Variants in DLG2 observed in about 807,000 individuals in gnomAD.
DLG2 encodes disks large homolog 2.
A neutral mutation model predicts 132.5 loss-of-function variants in DLG2; 45 were observed. The observed-to-expected ratio is 0.34, with a 90% CI of 0.27 to 0.44. The LOEUF (loss-of-function observed/expected upper bound fraction) is 0.44. DLG2 is among the 20% of genes least tolerant of loss of function. The pLI is 1.00. For synonymous variants in DLG2, 424 were observed against 419.6 expected (o/e 1.01, Z -0.13); for missense variants, 1,045 against 1,196.9 (o/e 0.87, Z 1.87).
At chr11:84,080,933 A>C (rs879588204) in intron 10 of DLG2, among the ~76,000 whole-genome samples, 26 of 151,674 alleles carry the variant, frequency 1.7e-4, no homozygotes, top group Non-Finnish European at 3.7e-4. Context: ...CAGAGGTTGC[A>C]GTGAGCCGAG....
intron 18 of DLG2, among the ~76,000 whole-genome samples, chr11:83,758,095 T>C: frequency 6.6e-6 from 1 of 152,218 alleles, no homozygotes; most frequent in East Asian, 1.9e-4. Context: ...TAAATGTCTT[T>C]TCTTTTCTTG....
At chr11:85,118,375 C>A (rs2073920327) in intron 5 of DLG2, among the ~76,000 whole-genome samples, 2 of 152,006 alleles carry the variant, frequency 1.3e-5, no homozygotes, top group African/African-American at 4.8e-5. Flanking sequence ...CAGACATTTG[C>A]CCAGGTTAAC....
At chr11:84,317,708 A>G (rs1205938787) in intron 7 of DLG2, among the ~76,000 whole-genome samples, 1 of 152,196 alleles carries the variant, frequency 6.6e-6, no homozygotes, top group Non-Finnish European at 1.5e-5. Flanking sequence ...CAACATTTAT[A>G]AGAATCACTT....
chr11:83,689,899 T>C (rs1490613389), intron 18 of DLG2, among the ~76,000 whole-genome samples: 4 of 145,622 alleles, frequency 2.7e-5, no homozygotes, highest in Non-Finnish European at 6.0e-5. Flanking sequence ...TTTACATAAA[T>C]ATATTTATGT....
chr11:84,403,566 T>A (rs1159911597), intron 7 of DLG2, among the ~76,000 whole-genome samples: 1 of 152,184 alleles, frequency 6.6e-6, no homozygotes, highest in Non-Finnish European at 1.5e-5. Context: ...TGTTATATGT[T>A]CCTTCCTGAT....
intron 18 of DLG2, among the ~76,000 whole-genome samples, chr11:83,657,704 A>G (rs1265763953): frequency 2.6e-5 from 4 of 151,842 alleles, no homozygotes; most frequent in Admixed American, 2.6e-4. Context: ...ATGCCTGGCT[A>G]ATTTTTTTTG....
At chr11:85,583,401 G>T (rs2078751755) in intron 3 of DLG2, among the ~76,000 whole-genome samples, 1 of 150,194 alleles carries the variant, frequency 6.7e-6, no homozygotes, top group African/African-American at 2.5e-5. Context: ...TACCCAGGTT[G>T]GTCTTAAACT....
At chr11:85,497,389 A>G (rs2093691688) in intron 3 of DLG2, among the ~76,000 whole-genome samples, 1 of 152,084 alleles carries the variant, frequency 6.6e-6, no homozygotes, top group South Asian at 2.1e-4. Flanking sequence ...AAAGGAGTGA[A>G]AAGAAAAGAA....
At chr11:84,163,941 A>G (rs1417160760) in intron 8 of DLG2, among the ~76,000 whole-genome samples, 1 of 152,186 alleles carries the variant, frequency 6.6e-6, no homozygotes, top group Non-Finnish European at 1.5e-5. Flanking sequence ...TCCATTTTTG[A>G]ATAGAAAAAT....
chr11:84,216,818 G>A (rs533348941), intron 8 of DLG2, among the ~76,000 whole-genome samples: 1 of 152,042 alleles, frequency 6.6e-6, no homozygotes, highest in Non-Finnish European at 1.5e-5. Flanking sequence ...AAATATGGTA[G>A]GAATTTCCTG....
chr11:83,558,241 C>T lies in DLG2; in HGVS notation c.1941-16383G>A, dbSNP rs183740884. 3.4e-3 allele frequency among the ~76,000 whole-genome samples: 519 copies of T among 152,294 alleles called. 1 individual carries two copies. The highest frequency in any genetic ancestry group is 5.5e-3 in the Non-Finnish European group (372 of 68,018). On this transcript the variant is annotated intron_variant, in intron 19 of 27. Transcript: ENST00000376104. ...CAACTTTTGCTTTCAGAATCTCATA[C>T]ATTTAATACATCTTCTTATTGGCTT...
At chr11:84,696,897 A>T (rs1362111891) in intron 6 of DLG2, among the ~76,000 whole-genome samples, 1 of 151,400 alleles carries the variant, frequency 6.6e-6, no homozygotes, top group Non-Finnish European at 1.5e-5. Flanking sequence ...TTATTATTAT[A>T]ATAATTTTAC....
chr11:84,168,060 A>C (rs1596496178), intron 8 of DLG2, among the ~76,000 whole-genome samples: 2 of 152,366 alleles, frequency 1.3e-5, no homozygotes, highest in East Asian at 3.9e-4. Flanking sequence ...ACTAAACACA[A>C]TTCTACCCAA....
At chr11:84,610,294 T>C (rs1376277121) in intron 6 of DLG2, among the ~76,000 whole-genome samples, 1 of 152,108 alleles carries the variant, frequency 6.6e-6, no homozygotes, top group African/African-American at 2.4e-5. Context: ...TATTATTCTG[T>C]AGTGAGCATA....
At chr11:84,031,591 T>C (rs1415710152) in intron 11 of DLG2, among the ~76,000 whole-genome samples, 3 of 152,180 alleles carry the variant, frequency 2.0e-5, no homozygotes, top group South Asian at 2.1e-4. Flanking sequence ...TATGAATGTA[T>C]GTACAAGGCT....
In DLG2 at chr11:84,553,863, G is replaced by A. The variant is rs144158250; in HGVS notation, c.358-19132C>T. On this transcript the variant is annotated intron_variant, in intron 6 of 27. Coordinates refer to ENST00000376104, the MANE Select transcript of DLG2 (RefSeq NM_001142699.3). ...AACTAAGGTGTCAGGAAACCTTGAA[G>A]AATGAGTGCTTGGGGGGAATATTCA... is the stretch of plus-strand genomic sequence containing the variant. Among the ~76,000 whole-genome samples, 129 of 152,328 alleles carry A rather than the reference G, an allele frequency of 8.5e-4. 2 individuals are homozygous for A. The highest frequency in any genetic ancestry group is 2.5e-3 in the South Asian group (12 of 4,820).
At chr11:84,593,555 C>A (rs1413583064) in intron 6 of DLG2, among the ~76,000 whole-genome samples, 2 of 152,082 alleles carry the variant, frequency 1.3e-5, no homozygotes, top group Non-Finnish European at 2.9e-5. Flanking sequence ...GACTAGAAAA[C>A]CAAACACCAC....
At chr11:83,868,390 G>A (rs770775949) in intron 16 of DLG2, among the ~76,000 whole-genome samples, 6 of 151,920 alleles carry the variant, frequency 3.9e-5, no homozygotes, top group African/African-American at 1.2e-4. Flanking sequence ...GATTTCTTCC[G>A]ATCATTTCTA....
rs151144778 is a variant in DLG2 at position 84,150,968 on chromosome 11, T to C, written c.624+12493A>G. ...CCCAGAAATAAAGCCTACTTCCTTGTAGTGAATTACCTTTTGGATGTGCTG... is the reference window on the plus strand; with the variant it reads ...CCCAGAAATAAAGCCTACTTCCTTGCAGTGAATTACCTTTTGGATGTGCTG... On this transcript the variant is annotated intron_variant, in intron 9 of 27. Coordinates refer to ENST00000376104, the MANE Select transcript of DLG2 (RefSeq NM_001142699.3). Among the ~76,000 whole-genome samples the C allele has an allele frequency of 4.2e-3, 638 of 152,322 alleles. 3 individuals carry two copies. Among genetic ancestry groups the C allele is most frequent in the African/African-American group, 0.015 (616 of 41,582 alleles).
Sources: gnomAD v4.1 joint callset for allele counts (sites outside exome capture counted in the v4.1 genomes callset) on GRCh38, gnomAD v4.1.1 for gene constraint, MANE v1.5 for transcripts, NCBI Gene and HGNC (gene_info 2026-07-23, HGNC 2026-07-21) for gene names.